GRID2: variants seen among roughly 807,000 people sequenced by gnomAD.
GRID2 encodes the protein glutamate ionotropic receptor delta type subunit 2, also known as glutamate receptor ionotropic, delta-2.
Under a neutral mutation model 114.8 loss-of-function variants are expected in GRID2, and 33 were observed. The observed-to-expected ratio is 0.29, with a 90% CI of 0.22 to 0.38. The LOEUF is 0.38. GRID2 is among the 10% of genes least tolerant of loss of function. The probability of loss-of-function intolerance (pLI) is 1.00; values close to 1 mark genes in which losing one functional copy is unlikely to be tolerated. For missense variants in GRID2, 1,184 were observed against 1,257.7 expected (o/e 0.94, Z 0.89); for synonymous variants, 505 against 449.9 (o/e 1.12, Z -1.55).
At chr4:92,657,567 G>A (rs975768730) in intron 2 of GRID2, among the ~76,000 whole-genome samples, 1 of 151,162 alleles carries the variant, frequency 6.6e-6, no homozygotes, top group Non-Finnish European at 1.5e-5. Flanking sequence ...ATTTTTAAAA[G>A]TAAAACATTT....
intron 1 of GRID2, among the ~76,000 whole-genome samples, chr4:92,587,435 G>T (rs1353667525): frequency 6.6e-6 from 1 of 151,988 alleles, no homozygotes; most frequent in Non-Finnish European, 1.5e-5. Flanking sequence ...AATTAGAAAG[G>T]AATTTCTGTC....
At chr4:93,032,172 A>G (rs909081833) in intron 2 of GRID2, among the ~76,000 whole-genome samples, 1 of 152,120 alleles carries the variant, frequency 6.6e-6, no homozygotes, top group Non-Finnish European at 1.5e-5. Flanking sequence ...ATGCAGGCCT[A>G]TTTTCAGCTC....
At chr4:93,294,231 G>A (rs556784210) in intron 8 of GRID2, among the ~76,000 whole-genome samples, 1 of 152,214 alleles carries the variant, frequency 6.6e-6, no homozygotes, top group African/African-American at 2.4e-5. Context: ...GATGAGTGTG[G>A]TTGTGTCTCA....
At chr4:92,358,968 G>C (rs1372519177) in intron 1 of GRID2, among the ~76,000 whole-genome samples, 1 of 151,768 alleles carries the variant, frequency 6.6e-6, no homozygotes, top group Admixed American at 6.6e-5. Flanking sequence ...AGTAACATAC[G>C]TCTAAATACA....
intron 11 of GRID2, among the ~76,000 whole-genome samples, chr4:93,465,465 A>G (rs1431597817): frequency 1.3e-5 from 2 of 152,174 alleles, no homozygotes. Flanking sequence ...GTTTTTTACC[A>G]CTTACTAGCT....
At chr4:92,940,736 C>T (rs1344656706) in intron 2 of GRID2, among the ~76,000 whole-genome samples, 3 of 152,150 alleles carry the variant, frequency 2.0e-5, no homozygotes, top group Non-Finnish European at 2.9e-5. Context: ...TTTTGAGATA[C>T]ATCCCATCAA....
intron 2 of GRID2, among the ~76,000 whole-genome samples, chr4:92,800,428 G>T (rs1402774694): frequency 6.6e-6 from 1 of 151,858 alleles, no homozygotes; most frequent in Non-Finnish European, 1.5e-5. Flanking sequence ...AAGGAATCAA[G>T]GTTGTAGATT....
intron 14 of GRID2, among the ~76,000 whole-genome samples, chr4:93,656,553 G>A (rs996823520): frequency 7.9e-5 from 12 of 151,850 alleles, no homozygotes; most frequent in East Asian, 1.9e-4. Flanking sequence ...CAAATAGGCC[G>A]AGCGCGGTGG....
intron 1 of GRID2, among the ~76,000 whole-genome samples, chr4:92,534,126 C>T (rs1402154891): frequency 6.6e-6 from 1 of 151,994 alleles, no homozygotes; most frequent in Non-Finnish European, 1.5e-5. Flanking sequence ...CACAGTCTAA[C>T]AATTTCTTAT....
intron 4 of GRID2, among the ~76,000 whole-genome samples, chr4:93,186,055 G>T (rs1054873018): frequency 6.6e-6 from 1 of 152,092 alleles, no homozygotes; most frequent in African/African-American, 2.4e-5. Context: ...CTTCATCCAT[G>T]TCCCTGAAAA....
intron 1 of GRID2, among the ~76,000 whole-genome samples, chr4:92,317,505 A>C (rs181119676): frequency 1.8e-4 from 28 of 152,188 alleles, no homozygotes; most frequent in Admixed American, 5.2e-4. Context: ...TAAACAGTTA[A>C]TAAATAGCAA....
At chr4:92,493,734 AC>A (rs1723257718) in intron 1 of GRID2, among the ~76,000 whole-genome samples, 1 of 152,148 alleles carries the variant, frequency 6.6e-6, no homozygotes, top group African/African-American at 2.4e-5. Context: ...TGAAATCTAG[AC>A]TTTTCTAGCT....
intron 2 of GRID2, among the ~76,000 whole-genome samples, chr4:92,975,589 T>C (rs1753820901): frequency 6.6e-6 from 1 of 152,154 alleles, no homozygotes; most frequent in Non-Finnish European, 1.5e-5. Flanking sequence ...CTCTGTCACC[T>C]CACTTTTTCT....
At chr4:93,788,682 G>T (rs764916481) in intron 1 of GRID2, among the ~76,000 whole-genome samples, 1 of 152,126 alleles carries the variant, frequency 6.6e-6, no homozygotes, top group Non-Finnish European at 1.5e-5. Flanking sequence ...TGATCTAAAG[G>T]ACGTTCAAGG....
At chr4:92,861,562 T>C (rs936843119) in intron 2 of GRID2, among the ~76,000 whole-genome samples, 4 of 152,110 alleles carry the variant, frequency 2.6e-5, no homozygotes, top group Non-Finnish European at 1.5e-5. Context: ...ATAATCACCA[T>C]CTTTATTGTC....
intron 1 of GRID2, among the ~76,000 whole-genome samples, chr4:92,369,026 T>A (rs1157975242): frequency 6.6e-6 from 1 of 152,074 alleles, no homozygotes; most frequent in Non-Finnish European, 1.5e-5. Context: ...TTACTCTTGC[T>A]GATTAAATAA....
intron 2 of GRID2, among the ~76,000 whole-genome samples, chr4:92,933,901 A>G (rs926101642): frequency 3.3e-5 from 5 of 151,702 alleles, no homozygotes; most frequent in African/African-American, 1.2e-4. Context: ...AAAGGGAGGA[A>G]TATCTGAAAG....
chr4:93,057,015 T>C (rs1471497654), intron 2 of GRID2, among the ~76,000 whole-genome samples: 3 of 151,942 alleles, frequency 2.0e-5, no homozygotes, highest in Non-Finnish European at 4.4e-5. Context: ...TTTTCAATTT[T>C]ATAAAATATT....
chr4:92,827,553 G>T (rs1474525985), intron 2 of GRID2, among the ~76,000 whole-genome samples: 3 of 151,956 alleles, frequency 2.0e-5, no homozygotes, highest in Non-Finnish European at 4.4e-5. Flanking sequence ...ACTGGGTTTT[G>T]TTTAAATGCT....
Sources: allele counts gnomAD v4.1 joint callset (sites outside exome capture counted in the v4.1 genomes callset), GRCh38; gene constraint gnomAD v4.1.1; transcripts MANE v1.5; gene names NCBI Gene and HGNC (gene_info 2026-07-23, HGNC 2026-07-21).